Variants in ARL15 observed in about 807,000 individuals in gnomAD.
ARL15 encodes ADP-ribosylation factor-like protein 15.
A neutral mutation model predicts 25.2 loss-of-function variants in ARL15; 19 were observed. The observed-to-expected ratio is 0.75, with a 90% CI of 0.53 to 1.10. The LOEUF is 1.10. Among genes scored for constraint, ARL15 ranks in the 50% least tolerant of loss-of-function variants. ARL15 has a pLI of 0.00. For synonymous variants in ARL15, 94 were observed against 86.8 expected, an observed-to-expected ratio of 1.08 and a Z score of -0.46; for missense variants, 220 against 246.0, an observed-to-expected ratio of 0.89 and a Z score of 0.71.
At chr5:54,289,884 T>C (rs1169468593) in intron 1 of ARL15, among the ~76,000 whole-genome samples, 1 of 152,232 alleles carries the variant, frequency 6.6e-6, no homozygotes, top group Non-Finnish European at 1.5e-5. Flanking sequence ...ATATCTGCTA[T>C]GTTCCAGGCA....
At chr5:54,192,470 TTTTA>T (rs1219891623) in intron 1 of ARL15, among the ~76,000 whole-genome samples, 1 of 152,042 alleles carries the variant, frequency 6.6e-6, no homozygotes, top group Non-Finnish European at 1.5e-5. Context: ...TTTCCTAACC[TTTTA>T]TCATTGGACA....
At chr5:54,295,997 C>T (rs532595144) in intron 1 of ARL15, among the ~76,000 whole-genome samples, 1 of 152,328 alleles carries the variant, frequency 6.6e-6, no homozygotes, top group African/African-American at 2.4e-5. Context: ...AACTCATCTA[C>T]TGAGTCGGCT....
intron 1 of ARL15, among the ~76,000 whole-genome samples, chr5:54,187,429 A>T (rs1478016803): frequency 3.3e-5 from 5 of 152,194 alleles, no homozygotes; most frequent in African/African-American, 1.2e-4. Context: ...CACTGGCCCA[A>T]CAGACAGCAG....
chr5:53,996,693 C>A (rs1748686392), intron 4 of ARL15, among the ~76,000 whole-genome samples: 1 of 149,714 alleles, frequency 6.7e-6, no homozygotes, highest in Non-Finnish European at 1.5e-5. Flanking sequence ...GTCTATATGA[C>A]AAATGTTTTT....
At chr5:54,197,626 T>C (rs1755588683) in intron 1 of ARL15, among the ~76,000 whole-genome samples, 1 of 152,082 alleles carries the variant, frequency 6.6e-6, no homozygotes, top group African/African-American at 2.4e-5. Flanking sequence ...AAACAGAGCA[T>C]AAGGAGCTGA....
intron 1 of ARL15, among the ~76,000 whole-genome samples, chr5:54,204,200 A>C (rs1000744784): frequency 6.6e-6 from 1 of 152,182 alleles, no homozygotes; most frequent in Non-Finnish European, 1.5e-5. Context: ...TTTTTGTGAT[A>C]ATTATATTAA....
chr5:54,206,122 C>T (rs1755861505), intron 1 of ARL15, among the ~76,000 whole-genome samples: 1 of 151,938 alleles, frequency 6.6e-6, no homozygotes, highest in African/African-American at 2.4e-5. Flanking sequence ...TTGATCTGGC[C>T]CAAAGTCTAT....
intron 4 of ARL15, among the ~76,000 whole-genome samples, chr5:53,991,646 G>T (rs944625065): frequency 6.6e-6 from 1 of 150,944 alleles, no homozygotes; most frequent in African/African-American, 2.4e-5. Context: ...AACAGAGCAA[G>T]ATCAGAAGTA....
In ARL15 at chr5:53,886,307, G is replaced by C; in HGVS notation, c.*254C>G. On this transcript the variant is annotated 3_prime_UTR_variant, in exon 5 of 5. Transcript: ENST00000504924. ...GAGATGCTTAGAACAACAGAAGGAA[G>C]AGACATGCGGGGAAGATAATTAGTG... is the stretch of plus-strand genomic sequence containing the variant. The C allele has an allele frequency of 2.6e-6, 1 of 379,008 alleles. No homozygotes were observed. 23.5% of individuals were successfully genotyped at this position (379,008 alleles called of 1,614,324 possible).
intron 1 of ARL15, among the ~76,000 whole-genome samples, chr5:54,304,448 C>T (rs552475401): frequency 1.3e-5 from 2 of 152,332 alleles, no homozygotes; most frequent in African/African-American, 4.8e-5. Context: ...TGCCCACATG[C>T]CAACAAGCAT....
At chr5:54,084,746 T>C (rs1365168423) in intron 4 of ARL15, among the ~76,000 whole-genome samples, 2 of 152,086 alleles carry the variant, frequency 1.3e-5, no homozygotes, top group Non-Finnish European at 1.5e-5. Context: ...TGCAAACATA[T>C]GAAGACAACA....
chr5:54,221,877 C>T (rs1395569216), intron 1 of ARL15, among the ~76,000 whole-genome samples: 1 of 150,678 alleles, frequency 6.6e-6, no homozygotes, highest in Non-Finnish European at 1.5e-5. Context: ...ACACAAAACC[C>T]TCATGCACAT....
At chr5:53,925,462 G>C (rs1424365191) in intron 4 of ARL15, among the ~76,000 whole-genome samples, 1 of 152,226 alleles carries the variant, frequency 6.6e-6, no homozygotes, top group Non-Finnish European at 1.5e-5. Flanking sequence ...GTCCCAAAGT[G>C]CTGGGATTAT....
At chr5:54,061,009 T>C (rs1237749418) in intron 4 of ARL15, among the ~76,000 whole-genome samples, 1 of 152,196 alleles carries the variant, frequency 6.6e-6, no homozygotes, top group Non-Finnish European at 1.5e-5. Flanking sequence ...TTTACATAAG[T>C]AATGAGGAGC....
intron 3 of ARL15, among the ~76,000 whole-genome samples, chr5:54,131,930 T>C (rs185186499): frequency 2.0e-4 from 30 of 151,508 alleles, no homozygotes; most frequent in African/African-American, 6.8e-4. Context: ...CTAGCCAATA[T>C]GATAAGGCAG....
In ARL15 at chr5:54,282,336, T is replaced by C. The variant is rs552558471; in HGVS notation, c.48+28096A>G. 9.9e-5 allele frequency: 98 copies of C among 985,386 alleles called. No individual in the cohort carries two copies. In the African/African-American group the frequency reaches 1.6e-3, roughly 16 times the overall value. 61.0% of individuals were successfully genotyped at this position (985,386 alleles called of 1,614,324 possible). A position where few individuals can be genotyped will look rare whatever the true frequency, so the allele number is the denominator to read the frequency against. ...ATGCATTCAGACATTCTCTATAAGA[T>C]TAAAATAAGAATAAGAGAATAAGAA... On this transcript the variant is annotated intron_variant, in intron 1 of 4. Transcript: ENST00000504924.
intron 4 of ARL15, among the ~76,000 whole-genome samples, chr5:53,890,827 C>A (rs1436629035): frequency 6.6e-6 from 1 of 152,212 alleles, no homozygotes; most frequent in African/African-American, 2.4e-5. Context: ...CATCTCACTG[C>A]TGCTAATGTT....
intron 3 of ARL15, among the ~76,000 whole-genome samples, chr5:54,124,512 C>T (rs1402625378): frequency 2.0e-5 from 3 of 152,118 alleles, no homozygotes; most frequent in African/African-American, 7.2e-5. Context: ...GGTTTGTATT[C>T]TTCAAGATTT....
At chr5:54,135,129 G>C (rs1753562450) in intron 3 of ARL15, among the ~76,000 whole-genome samples, 2 of 151,978 alleles carry the variant, frequency 1.3e-5, no homozygotes, top group Non-Finnish European at 2.9e-5. Flanking sequence ...AAATTTAATA[G>C]AGATATAAGT....
Sources: gnomAD v4.1 joint callset for allele counts (sites outside exome capture counted in the v4.1 genomes callset) on GRCh38, gnomAD v4.1.1 for gene constraint, MANE v1.5 for transcripts, NCBI Gene and HGNC (gene_info 2026-07-23, HGNC 2026-07-21) for gene names.